PIK3CA: variants seen among roughly 807,000 people sequenced by gnomAD.
PIK3CA encodes phosphatidylinositol-4,5-bisphosphate 3-kinase catalytic subunit alpha.
PIK3CA carries 27 observed loss-of-function variants against 138.2 expected under a neutral mutation model. The ratio of observed to expected loss-of-function variants is 0.20; its 90% CI spans 0.14 to 0.27. The LOEUF (loss-of-function observed/expected upper bound fraction) is 0.27, where lower values mean the gene tolerates loss of function less well. PIK3CA is among the 10% of genes least tolerant of loss of function. The pLI, the probability that PIK3CA is intolerant of heterozygous loss-of-function variation, is 1.00. For missense variants in PIK3CA, 544 were observed against 1,277.4 expected (o/e 0.43, Z 8.75); for synonymous variants, 358 against 413.2 (o/e 0.87, Z 1.62).
chr3:179,209,444 T>C (rs966349059), intron 6 of PIK3CA, 151 bp from the exon 7 acceptor site: 2 of 457,698 alleles, frequency 4.4e-6, no homozygotes, highest in Non-Finnish European at 7.9e-6. Flanking sequence ...ATTAACTATT[T>C]GAATATGACC....
At chr3:179,177,636 A>G (rs1417321697) in intron 1 of PIK3CA, among the ~76,000 whole-genome samples, 1 of 152,140 alleles carries the variant, frequency 6.6e-6, no homozygotes. Context: ...TATCTGAACA[A>G]TAACTAATTA....
intron 1 of PIK3CA, among the ~76,000 whole-genome samples, chr3:179,159,157 G>T (rs571506381): frequency 6.6e-6 from 1 of 152,064 alleles, no homozygotes; most frequent in Non-Finnish European, 1.5e-5. Context: ...TGCTTTTAAA[G>T]AATGACTTTT....
chr3:179,174,829 T>C (rs1259532949), intron 1 of PIK3CA, among the ~76,000 whole-genome samples: 3 of 152,206 alleles, frequency 2.0e-5, no homozygotes, highest in Non-Finnish European at 4.4e-5. Context: ...TGTTACAACT[T>C]TCTTGTTGTT....
intron 1 of PIK3CA, among the ~76,000 whole-genome samples, chr3:179,170,064 A>G (rs1195260165): frequency 4.0e-5 from 2 of 49,700 alleles, no homozygotes; most frequent in South Asian, 7.7e-4. Flanking sequence ...ATGCGCGTGC[A>G]CACGCGCGCG....
At chr3:179,162,171 C>T (rs1016473248) in intron 1 of PIK3CA, among the ~76,000 whole-genome samples, 9 of 151,898 alleles carry the variant, frequency 5.9e-5, no homozygotes, top group Admixed American at 1.3e-4. Context: ...GCAATGTATG[C>T]AATACATGTA....
At chr3:179,194,367 G>A (rs1208173918) in intron 1 of PIK3CA, among the ~76,000 whole-genome samples, 1 of 152,070 alleles carries the variant, frequency 6.6e-6, no homozygotes, top group African/African-American at 2.4e-5. Context: ...GGGACCATAG[G>A]CATGTGCCAC....
chr3:179,225,621 A>T (rs1057488810), intron 16 of PIK3CA, among the ~76,000 whole-genome samples: 1 of 152,182 alleles, frequency 6.6e-6, no homozygotes, highest in Non-Finnish European at 1.5e-5. Flanking sequence ...TGGATTTAAG[A>T]ATCAGAATAT....
At chr3:179,180,844 T>C (rs1294549629) in intron 1 of PIK3CA, among the ~76,000 whole-genome samples, 2 of 152,174 alleles carry the variant, frequency 1.3e-5, no homozygotes, top group Non-Finnish European at 2.9e-5. Flanking sequence ...CTTTGTAACT[T>C]TTAATTAATG....
chr3:179,215,632 T>G (rs2108405917), intron 9 of PIK3CA, among the ~76,000 whole-genome samples: 1 of 152,302 alleles, frequency 6.6e-6, no homozygotes, highest in South Asian at 2.1e-4. Context: ...TCTTATTGCA[T>G]TGCCCAGTGT....
Position 179,199,698 on chromosome 3 carries a change from A to G in PIK3CA, c.361A>G (p.Ile121Val), listed in dbSNP as rs371727887. The change falls in exon 3 of 21, where the codon ATC becomes GTC. Residue 121 changes from isoleucine to valine, a missense_variant. By Grantham distance (29) the Ile-to-Val change is conservative (BLOSUM62 3). This residue lies in a region of PIK3CA where 234 missense variants were observed against 401.3 expected (regional missense o/e 0.58). Coordinates refer to ENST00000263967, the MANE Select transcript of PIK3CA (RefSeq NM_006218.4). ...KILNREIGFA[I>V]GMPVCEFDMV... ...ATGTAATTTTATTAAAGGTTTTGCT[A>G]TCGGCATGCCAGTGTGTGAATTTGA... 25 of 1,605,458 alleles carry G rather than the reference A, an allele frequency of 1.6e-5. No individual in the cohort carries two copies. Among genetic ancestry groups the G allele is most frequent in the African/African-American group, 2.7e-5 (2 of 74,740 alleles).
intron 1 of PIK3CA, among the ~76,000 whole-genome samples, chr3:179,174,282 A>G (rs1486189074): frequency 3.3e-5 from 5 of 152,000 alleles, no homozygotes; most frequent in Non-Finnish European, 7.4e-5. Flanking sequence ...CAGCCTGGCC[A>G]ACACAGCGAA....
chr3:179,188,105 G>A (rs1276528760), intron 1 of PIK3CA, among the ~76,000 whole-genome samples: 2 of 152,212 alleles, frequency 1.3e-5, no homozygotes, highest in Non-Finnish European at 1.5e-5. Context: ...CAACTAAAAC[G>A]AAACTACTGG....
At chr3:179,182,196 G>A (rs368745205) in intron 1 of PIK3CA, among the ~76,000 whole-genome samples, 3 of 152,150 alleles carry the variant, frequency 2.0e-5, no homozygotes, top group African/African-American at 7.2e-5. Context: ...TGAAGCAGTT[G>A]TTTGGAATAA....
intron 1 of PIK3CA, among the ~76,000 whole-genome samples, chr3:179,192,935 A>G (rs540411145): frequency 2.0e-5 from 3 of 152,276 alleles, no homozygotes; most frequent in African/African-American, 7.2e-5. Flanking sequence ...GTACACATCA[A>G]GTGTTCAAAA....
chr3:179,164,422 TAAG>T (rs1723363753), intron 1 of PIK3CA, among the ~76,000 whole-genome samples: 1 of 152,188 alleles, frequency 6.6e-6, no homozygotes, highest in African/African-American at 2.4e-5. Flanking sequence ...CCATCCAAGT[TAAG>T]AAAAGGAAAA....
chr3:179,170,078 A>G (rs768909599), intron 1 of PIK3CA, among the ~76,000 whole-genome samples: 117 of 121,648 alleles, frequency 9.6e-4, no homozygotes, highest in Non-Finnish European at 1.4e-3. Context: ...GCGCGCGCGC[A>G]CACACACACA....
chr3:179,224,859 T>A (rs2108418396), intron 16 of PIK3CA, 38 bp downstream of exon 16: 1 of 1,469,782 alleles, frequency 6.8e-7, no homozygotes. Flanking sequence ...ATGCATGAAT[T>A]TAGCTATCTT....
Position 179,203,432 on chromosome 3 carries a change from G to A in PIK3CA, c.814-112G>A. 3.1e-6 allele frequency: 3 copies of A among 981,806 alleles called. 1 individual carries two copies. Among genetic ancestry groups the A allele is most frequent in the Middle Eastern group, 2.3e-4 (1 of 4,388 alleles). The allele number at this position is 981,806 out of a possible 1,614,324, so 60.8% of individuals were successfully genotyped here. Reference sequence around the variant, plus strand: ...ACTACTAGTAAATGTGGTCTATAATGTTTAATTTTTTATCACCTTTGCAGA... The same window carrying A: ...ACTACTAGTAAATGTGGTCTATAATATTTAATTTTTTATCACCTTTGCAGA... On this transcript the variant is annotated intron_variant, in intron 4 of 20. Transcript: ENST00000263967.
chr3:179,148,190 G>C (rs1415503440), upstream of PIK3CA: 1 of 152,146 alleles, frequency 6.6e-6, no homozygotes, highest in African/African-American at 2.4e-5. Flanking sequence ...CCGAGGGGGT[G>C]GGGAAGAGTT....
Sources: allele counts gnomAD v4.1 joint callset (sites outside exome capture counted in the v4.1 genomes callset), GRCh38; gene constraint gnomAD v4.1.1; regional missense constraint gnomAD v4.1.1; transcripts MANE v1.5; gene names NCBI Gene and HGNC (gene_info 2026-07-23, HGNC 2026-07-21).